The following GAS2 variants were observed in gnomAD, a reference collection of about 807,000 sequenced individuals.
GAS2 encodes the protein growth arrest specific 2, also known as growth arrest-specific protein 2.
Under a neutral mutation model 37.5 loss-of-function variants are expected in GAS2, and 20 were observed. The observed-to-expected ratio is 0.53, with a 90% CI of 0.37 to 0.77. The LOEUF (loss-of-function observed/expected upper bound fraction) is 0.77, where lower values mean the gene tolerates loss of function less well. GAS2 is among the 30% of genes least tolerant of loss of function. The pLI is 0.00. For missense variants in GAS2, 336 were observed against 373.4 expected, an observed-to-expected ratio of 0.90 and a Z score of 0.82; for synonymous variants, 144 against 132.2, an observed-to-expected ratio of 1.09 and a Z score of -0.61.
chr11:22,729,100 T>C (rs1852353249), intron 4 of GAS2, among the ~76,000 whole-genome samples: 1 of 151,682 alleles, frequency 6.6e-6, no homozygotes. Context: ...CTTTGTGTCC[T>C]AGTGTTTTGA....
In GAS2 at chr11:22,805,105, T is replaced by C. The variant is rs184765876; in HGVS notation, c.724-6693T>C. ...AGGTGAGTGTTCAATTTTTTTTTTTTAGATCGGTCACATACCAGAAAAGCA... is the reference window on the plus strand; with the variant it reads ...AGGTGAGTGTTCAATTTTTTTTTTTCAGATCGGTCACATACCAGAAAAGCA... On this transcript the variant is annotated intron_variant, in intron 7 of 7. Coordinates refer to ENST00000454584, the MANE Select transcript of GAS2 (RefSeq NM_001143830.3). Among the ~76,000 whole-genome samples the C allele has an allele frequency of 5.4e-3, 814 of 152,130 alleles. 2 individuals are homozygous for C. Among genetic ancestry groups the C allele is most frequent in the Middle Eastern group, 6.8e-3 (2 of 294 alleles).
Position 22,685,661 on chromosome 11 carries a change from A to T in GAS2, c.146-7A>T. 1 of 1,607,162 alleles carries T rather than the reference A, an allele frequency of 6.2e-7. No individual in the cohort carries two copies. Among genetic ancestry groups the T allele is most frequent in the Non-Finnish European group, 8.5e-7 (1 of 1,177,506 alleles). Reference sequence around the variant, plus strand: ...TCCTTTTATAATGCTTCTTTTTGTTATTTCAGGGAAGGAGATTACAGCAGA... The same window carrying T: ...TCCTTTTATAATGCTTCTTTTTGTTTTTTCAGGGAAGGAGATTACAGCAGA... On this transcript the variant is annotated splice_region_variant and splice_polypyrimidine_tract_variant and intron_variant, in intron 2 of 7. Coordinates refer to ENST00000454584, the MANE Select transcript of GAS2 (RefSeq NM_001143830.3).
chr11:22,787,916 G>T (rs757387308), intron 7 of GAS2, among the ~76,000 whole-genome samples: 1 of 152,132 alleles, frequency 6.6e-6, no homozygotes, highest in Non-Finnish European at 1.5e-5. Context: ...TTATTGGTTC[G>T]CATTTCTTTT....
intron 6 of GAS2, among the ~76,000 whole-genome samples, chr11:22,754,775 G>A (rs774845212): frequency 8.6e-5 from 13 of 152,046 alleles, no homozygotes; most frequent in East Asian, 1.9e-4. Flanking sequence ...GTCAAAAATC[G>A]AATTATTTGA....
chr11:22,741,749 C>T (rs1853094101), intron 5 of GAS2, among the ~76,000 whole-genome samples: 1 of 152,140 alleles, frequency 6.6e-6, no homozygotes, highest in South Asian at 2.1e-4. Context: ...TATACTTTCA[C>T]ATGGTTGAAA....
chr11:22,764,104 ATAAG>A (rs1466469908), intron 7 of GAS2, among the ~76,000 whole-genome samples: 1 of 152,254 alleles, frequency 6.6e-6, no homozygotes, highest in African/African-American at 2.4e-5. Context: ...TAAATGCAAT[ATAAG>A]TAATAACTAA....
chr11:22,664,907 G>A (rs1452615506), upstream of GAS2, among the ~76,000 whole-genome samples: 2 of 151,906 alleles, frequency 1.3e-5, no homozygotes, highest in Non-Finnish European at 2.9e-5. Context: ...ACTCTTAGAT[G>A]TTAATGAAAG....
chr11:22,713,080 A>AG (rs1565103498), intron 3 of GAS2, among the ~76,000 whole-genome samples: 1 of 143,950 alleles, frequency 6.9e-6, no homozygotes, highest in Non-Finnish European at 1.5e-5. Flanking sequence ...AAAAAAAAAA[A>AG]GAAAAGAAAA....
chr11:22,748,227 TC>T (rs1853519883), intron 5 of GAS2, among the ~76,000 whole-genome samples: 1 of 152,080 alleles, frequency 6.6e-6, no homozygotes, highest in African/African-American at 2.4e-5. Context: ...TTTATCCTGC[TC>T]CTTGCTAGTT....
intron 3 of GAS2, among the ~76,000 whole-genome samples, chr11:22,723,215 T>C (rs368140362): frequency 2.0e-5 from 3 of 151,914 alleles, no homozygotes; most frequent in East Asian, 1.9e-4. Context: ...TGCCAAGTAG[T>C]TAGATCAGTG....
chr11:22,705,112 G>A (rs1851046168), intron 3 of GAS2, among the ~76,000 whole-genome samples: 1 of 152,074 alleles, frequency 6.6e-6, no homozygotes, highest in Admixed American at 6.6e-5. Context: ...TGGAGAAAAA[G>A]CCAAAATCTA....
At chr11:22,775,722 A>G (rs1233219583) in intron 7 of GAS2, among the ~76,000 whole-genome samples, 1 of 152,168 alleles carries the variant, frequency 6.6e-6, no homozygotes, top group East Asian at 1.9e-4. Context: ...AGTCAAATAA[A>G]TTAATAAAAA....
chr11:22,664,006 T>C (rs1237149077), upstream of GAS2, among the ~76,000 whole-genome samples: 38 of 152,192 alleles, frequency 2.5e-4, no homozygotes, highest in Admixed American at 2.5e-3. Context: ...TATGTCTTCA[T>C]GTATTTTTTA....
At chr11:22,629,748 A>G (rs1157466720) in intron 1 of GAS2, among the ~76,000 whole-genome samples, 2 of 152,028 alleles carry the variant, frequency 1.3e-5, no homozygotes, top group East Asian at 3.9e-4. Context: ...ATTTTCTCCC[A>G]TTCTGTGAGT....
At chr11:22,711,295 G>A (rs992285892) in intron 3 of GAS2, among the ~76,000 whole-genome samples, 2 of 152,190 alleles carry the variant, frequency 1.3e-5, no homozygotes, top group African/African-American at 4.8e-5. Context: ...AGAAGCAGCA[G>A]CCAGAAGAGT....
intron 1 of GAS2, among the ~76,000 whole-genome samples, chr11:22,630,746 G>T (rs1230987972): frequency 6.6e-6 from 1 of 152,068 alleles, no homozygotes; most frequent in East Asian, 1.9e-4. Context: ...ATGCTGCTTT[G>T]CTTACTATAA....
chr11:22,759,969 A>G (rs1047281727), intron 7 of GAS2, among the ~76,000 whole-genome samples: 6 of 152,092 alleles, frequency 3.9e-5, no homozygotes, highest in Non-Finnish European at 8.8e-5. Flanking sequence ...TTGACTTATC[A>G]ATTCCAATTT....
intron 7 of GAS2, among the ~76,000 whole-genome samples, chr11:22,765,478 A>G (rs554881331): frequency 1.3e-5 from 2 of 151,668 alleles, no homozygotes; most frequent in East Asian, 1.9e-4. Flanking sequence ...CTGCATTGCT[A>G]TAAAGAAATA....
intron 1 of GAS2, among the ~76,000 whole-genome samples, chr11:22,647,019 CCACT>C (rs1209156810): frequency 6.6e-6 from 1 of 151,088 alleles, no homozygotes; most frequent in Non-Finnish European, 1.5e-5. Flanking sequence ...TGCACTGCAC[CCACT>C]AACTCGTCAT....
Sources: allele counts gnomAD v4.1 joint callset (sites outside exome capture counted in the v4.1 genomes callset), GRCh38; gene constraint gnomAD v4.1.1; transcripts MANE v1.5; gene names NCBI Gene and HGNC (gene_info 2026-07-23, HGNC 2026-07-21).